MROH1: variants seen among roughly 807,000 people sequenced by gnomAD.
The protein encoded by MROH1 is maestro heat-like repeat-containing protein family member 1.
Under a neutral mutation model 116.5 loss-of-function variants are expected in MROH1, and 117 were observed. The ratio of observed to expected loss-of-function variants is 1.00; its 90% confidence interval spans 0.86 to 1.17. The LOEUF (loss-of-function observed/expected upper bound fraction) is 1.17. Among genes scored for constraint, MROH1 ranks in the 50% most tolerant of loss-of-function variants. MROH1 has a pLI of 0.00. For synonymous variants in MROH1, 921 were observed against 583.9 expected (o/e 1.58, Z -8.32); for missense variants, 1,873 against 1,338.5 (o/e 1.40, Z -6.23).
At chr8:144,206,040 TAAG>T (rs1425163859) in intron 12 of MROH1, among the ~76,000 whole-genome samples, 4 of 152,174 alleles carry the variant, frequency 2.6e-5, no homozygotes, top group Non-Finnish European at 5.9e-5. Context: ...CACCTACTGT[TAAG>T]AAGTGACCTC....
Position 144,244,295 on chromosome 8 carries a change from C to T in MROH1, c.2629C>T (p.Leu877=). The change falls in exon 27 of 44, where the codon CTG becomes TTG. Residue 877 remains leucine, a synonymous_variant. Transcript: ENST00000326134. ...IHGCLHSIMA[L]LPEPKEEDGG... ...TGGCTGCCTGCACAGCATCATGGCC[C>T]TGCTGCCTGAGCCCAAGGAGGAGGA... The T allele has an allele frequency of 1.4e-6, 1 of 719,610 alleles. No homozygotes were observed. The highest frequency in any genetic ancestry group is 2.6e-6 in the Non-Finnish European group (1 of 385,604). 44.6% of individuals were successfully genotyped at this position (719,610 alleles called of 1,614,324 possible). A position where few individuals can be genotyped will look rare whatever the true frequency, so the allele number is the denominator to read the frequency against.
chr8:144,232,794 A>G (rs1242890295), intron 14 of MROH1, among the ~76,000 whole-genome samples: 1 of 16,274 alleles, frequency 6.1e-5, no homozygotes, highest in Non-Finnish European at 1.9e-4. Flanking sequence ...CACCTGGCCT[A>G]TTTATTTATT....
rs1207805515 is a variant in MROH1, at chr8:144,261,137, G to A, written c.4695G>A (p.Leu1565=). ...KHLMHHFPDL[L]GRLLTTCLFY... is the part of the protein sequence containing the mutation. ...AGATGCACCATTTCCCAGACCTGCT[G>A]GGCCGTCTCCTGACCACCTGCCTGT... The change falls in exon 42 of 44, where the codon CTG becomes CTA. Residue 1565 remains leucine, a synonymous_variant. Coordinates refer to ENST00000326134, the MANE Select transcript of MROH1 (RefSeq NM_032450.3). The A allele has an allele frequency of 1.3e-5, 10 of 773,872 alleles. No homozygotes were observed. The highest frequency in any genetic ancestry group is 1.9e-5 in the Non-Finnish European group (8 of 417,660). The allele number at this position is 773,872 out of a possible 1,614,324, so 47.9% of individuals were successfully genotyped here.
intron 7 of MROH1, among the ~76,000 whole-genome samples, chr8:144,184,508 G>A (rs187677754): frequency 3.3e-5 from 5 of 152,334 alleles, no homozygotes; most frequent in African/African-American, 1.2e-4. Flanking sequence ...GAGGCGAAAG[G>A]GAGAAAGGAC....
intron 12 of MROH1, among the ~76,000 whole-genome samples, chr8:144,203,491 G>T (rs1325267513): frequency 1.3e-5 from 2 of 151,462 alleles, no homozygotes; most frequent in African/African-American, 4.9e-5. Flanking sequence ...GCTATCTGTT[G>T]AGGGGTTGGG....
chr8:144,240,996 TC>T lies in MROH1; in HGVS notation c.1942del (p.Leu648CysfsTer5). On this transcript the variant is annotated frameshift_variant, in exon 21 of 44. Transcript: ENST00000326134. LOFTEE classifies it high-confidence loss of function. The part of the protein sequence containing the change: ...CYDEAPQEKN[F>X]LYKCIGTTLG... ...TGTTCTCTGGTTTTGTTTCAGAACT[TC>T]CTGTACAAATGCATAGGCACCACCC... is the stretch of plus-strand genomic sequence containing the variant. 1.3e-6 allele frequency: 1 copy of T among 760,418 alleles called. No homozygotes were observed. The highest frequency in any genetic ancestry group is 1.8e-5 in the Admixed American group (1 of 55,492). The allele number at this position is 760,418 out of a possible 1,614,324, so 47.1% of individuals were successfully genotyped here.
Position 144,260,066 on chromosome 8 carries a change from G to C in MROH1, c.4191+9G>C. On this transcript the variant is annotated intron_variant, in intron 38 of 43. Transcript: ENST00000326134. ...CCGGCTGCCCTGACAAGGTGGGGTG[G>C]CCACCAGCCCCTCTGGGTCCCAGGC... is the stretch of plus-strand genomic sequence containing the variant. The C allele has an allele frequency of 1.4e-6, 1 of 727,206 alleles. No individual in the cohort carries two copies. The highest frequency in any genetic ancestry group is 2.6e-5 in the East Asian group (1 of 38,610). The allele number at this position is 727,206 out of a possible 1,614,324, so 45.0% of individuals were successfully genotyped here.
Position 144,260,020 on chromosome 8 carries a change from G to A in MROH1, c.4154G>A (p.Arg1385His), listed in dbSNP as rs958908838. ...TCASVRRLVL[R>H]GLANLASGCP... is the part of the protein sequence containing the mutation. ...GCCAGCGTGCGGAGGCTGGTGCTCC[G>A]CGGCCTGGCCAACCTGGCCTCCGGC... Residue 1385 changes from arginine to histidine, a missense_variant, in exon 38 of 44, where the codon CGC (arginine) becomes CAC (histidine). Coordinates refer to ENST00000326134, the MANE Select transcript of MROH1 (RefSeq NM_032450.3). 1.5e-4 allele frequency: 111 copies of A among 726,326 alleles called. 2 individuals carry two copies. The highest frequency in any genetic ancestry group is 1.2e-3 in the Admixed American group (64 of 52,304). The allele number at this position is 726,326 out of a possible 1,614,324, so 45.0% of individuals were successfully genotyped here.
At chr8:144,192,430 C>T in intron 10 of MROH1, 29 bp downstream of exon 10, 1 of 1,540,980 alleles carries the variant, frequency 6.5e-7, no homozygotes, top group Non-Finnish European at 8.7e-7. Context: ...GGGGCGGGTC[C>T]AGGTTCTGCA....
chr8:144,148,671 G>A (rs1056663948), intron 1 of MROH1: 3 of 152,752 alleles, frequency 2.0e-5, no homozygotes, highest in Admixed American at 6.5e-5. Flanking sequence ...GCCGGGCATA[G>A]CGCTGGCAGG....
intron 2 of MROH1, among the ~76,000 whole-genome samples, chr8:144,162,746 A>G (rs540788550): frequency 6.7e-6 from 1 of 149,602 alleles, no homozygotes; most frequent in South Asian, 2.1e-4. Context: ...TCTCTGAGAC[A>G]GAGTCTCACT....
At chr8:144,215,747 C>G (rs1312489540) in intron 12 of MROH1, among the ~76,000 whole-genome samples, 2 of 151,442 alleles carry the variant, frequency 1.3e-5, no homozygotes, top group African/African-American at 2.4e-5. Context: ...GTGGCGGGCA[C>G]CTGTAGTCCC....
At chr8:144,152,857 A>T (rs1299545456) in intron 1 of MROH1, among the ~76,000 whole-genome samples, 3 of 152,064 alleles carry the variant, frequency 2.0e-5, no homozygotes, top group Non-Finnish European at 4.4e-5. Flanking sequence ...ATGACCTCAT[A>T]TACTTTCTTC....
chr8:144,259,037 G>A, intron 36 of MROH1, 123 bp downstream of exon 36: 2 of 643,468 alleles, frequency 3.1e-6, no homozygotes, highest in Non-Finnish European at 5.7e-6. Context: ...CTGGGCTCCT[G>A]CCTGTTCACT....
Position 144,180,544 on chromosome 8 carries a change from CT to C in MROH1, c.562+23del, listed in dbSNP as rs762514416. ...CTCCGGTAAGAGGCGGCCTCGTCAC[CT>C]TCTGTCTCAAGTGCCCCTTTGTGGG... is the stretch of plus-strand genomic sequence containing the variant. On this transcript the variant is annotated intron_variant, in intron 7 of 43. Transcript: ENST00000326134. This position sits in a 1 kb window ranked among gnomAD's most constrained non-coding sequence, Gnocchi z 7.4. 6 of 1,603,342 alleles carry C rather than the reference CT, an allele frequency of 3.7e-6. No homozygotes were observed. The highest frequency in any genetic ancestry group is 5.1e-6 in the Non-Finnish European group (6 of 1,177,582).
In MROH1 at chr8:144,260,766, C is replaced by A. The variant is rs1844889387; in HGVS notation, c.4470C>A (p.Asp1490Glu). 1.3e-6 allele frequency: 1 copy of A among 779,070 alleles called. No homozygotes were observed. 48.3% of individuals were successfully genotyped at this position (779,070 alleles called of 1,614,324 possible). Reference sequence around the variant, plus strand: ...GAGACTGTGAGGACGTCTTCCTGGACCAGGTGGTGGGCGGGCTGGCGCCCC... The same window carrying A: ...GAGACTGTGAGGACGTCTTCCTGGAACAGGTGGTGGGCGGGCTGGCGCCCC... ...CHGDCEDVFL[D>E]QVVGGLAPLL... The change falls in exon 40 of 44, where the codon GAC becomes GAA. Residue 1490 changes from aspartate (D) to glutamate (E), a missense_variant. By Grantham distance (45) the Asp-to-Glu change is conservative (BLOSUM62 2). Coordinates refer to ENST00000326134, the MANE Select transcript of MROH1 (RefSeq NM_032450.3).
At chr8:144,221,947 G>T (rs778060074) in intron 13 of MROH1, among the ~76,000 whole-genome samples, 16 of 152,184 alleles carry the variant, frequency 1.1e-4, no homozygotes, top group Non-Finnish European at 2.1e-4. Context: ...TGGCTCAGGG[G>T]AAGGGCTGGT....
intron 1 of MROH1, among the ~76,000 whole-genome samples, chr8:144,149,178 A>G (rs1816141177): frequency 6.6e-6 from 1 of 152,048 alleles, no homozygotes; most frequent in Non-Finnish European, 1.5e-5. Flanking sequence ...GGCATGTTTC[A>G]TAGGTGGTAC....
chr8:144,213,102 C>T (rs201651665), intron 12 of MROH1: 32 of 775,992 alleles, frequency 4.1e-5, no homozygotes, highest in East Asian at 3.6e-4. Context: ...CTAACGGCCG[C>T]GCCCGCGTCT....
Sources: gnomAD v4.1 joint callset for allele counts (sites outside exome capture counted in the v4.1 genomes callset) on GRCh38, gnomAD v4.1.1 for gene constraint, Gnocchi (gnomAD v3.1) non-coding constraint, MANE v1.5 for transcripts, NCBI Gene and HGNC (gene_info 2026-07-23, HGNC 2026-07-21) for gene names.